EYA1: variants seen among roughly 807,000 people sequenced by gnomAD.
EYA1 encodes the protein protein phosphatase EYA1.
A neutral mutation model predicts 82.0 loss-of-function variants in EYA1; 16 were observed. The ratio of observed to expected loss-of-function variants is 0.20; its 90% CI spans 0.13 to 0.30. The LOEUF (loss-of-function observed/expected upper bound fraction) is 0.30. Among genes scored for constraint, EYA1 ranks in the 10% least tolerant of loss-of-function variants. EYA1 has a pLI of 1.00. For synonymous variants in EYA1, 261 were observed against 264.4 expected, an observed-to-expected ratio of 0.99 and a Z score of 0.12; for missense variants, 633 against 730.7, an observed-to-expected ratio of 0.87 and a Z score of 1.54.
chr8:71,431,878 T>A (rs1019906910), intron 2 of EYA1, among the ~76,000 whole-genome samples: 10 of 152,214 alleles, frequency 6.6e-5, no homozygotes, highest in Non-Finnish European at 1.5e-4. Flanking sequence ...TATGATTACT[T>A]TATGAAGCCT....
At chr8:71,269,671 T>G in intron 11 of EYA1, 69 bp downstream of exon 11, 1 of 1,102,386 alleles carries the variant, frequency 9.1e-7, no homozygotes, top group Non-Finnish European at 1.4e-6. Context: ...TACATTCATT[T>G]GGATAATAAA....
intron 2 of EYA1, among the ~76,000 whole-genome samples, chr8:71,407,398 A>G (rs1274361602): frequency 1.4e-5 from 2 of 146,750 alleles, no homozygotes; most frequent in African/African-American, 2.5e-5. Context: ...AGCTGAGAGA[A>G]GAAGGTTTCA....
chr8:71,364,921 CA>C (rs1463090714), upstream of EYA1, among the ~76,000 whole-genome samples: 2 of 77,794 alleles, frequency 2.6e-5, no homozygotes, highest in East Asian at 3.4e-4. Flanking sequence ...AGGGCATGAT[CA>C]AAAAAAAAGC....
intron 11 of EYA1, among the ~76,000 whole-genome samples, chr8:71,258,694 A>G (rs1026502161): frequency 6.6e-6 from 1 of 152,072 alleles, no homozygotes; most frequent in Non-Finnish European, 1.5e-5. Flanking sequence ...TGCTCATTTT[A>G]TTTTGTTGCC....
intron 2 of EYA1, among the ~76,000 whole-genome samples, chr8:71,457,775 C>A (rs151305463): frequency 1.3e-5 from 2 of 151,994 alleles, no homozygotes; most frequent in South Asian, 2.1e-4. Flanking sequence ...CGGAGATATA[C>A]CTAATGTAAA....
intron 4 of EYA1, among the ~76,000 whole-genome samples, chr8:71,326,401 A>G (rs1823152540): frequency 6.6e-6 from 1 of 151,660 alleles, no homozygotes. Flanking sequence ...CCCAAACCTT[A>G]CAACTTCTCA....
chr8:71,337,703 C>A (rs1824656739), intron 3 of EYA1, among the ~76,000 whole-genome samples: 1 of 152,162 alleles, frequency 6.6e-6, no homozygotes, highest in African/African-American at 2.4e-5. Context: ...ACATAAAGTA[C>A]CTGATATAAA....
At chr8:71,422,224 G>T (rs1831184798) in intron 2 of EYA1, among the ~76,000 whole-genome samples, 1 of 152,200 alleles carries the variant, frequency 6.6e-6, no homozygotes, top group Non-Finnish European at 1.5e-5. Flanking sequence ...GTTATACAGA[G>T]AAGTCAGTAA....
At chr8:71,451,847 G>A (rs529862442) in intron 2 of EYA1, among the ~76,000 whole-genome samples, 89 of 152,308 alleles carry the variant, frequency 5.8e-4, no homozygotes, top group African/African-American at 1.9e-3. Flanking sequence ...TGTGAGCGAC[G>A]CAGAAGACGG....
rs574814791 is a variant in EYA1, at chr8:71,213,146, C to T, written c.1598-1890G>A. On this transcript the variant is annotated intron_variant, in intron 16 of 17. Transcript: ENST00000340726. Reference sequence around the variant, plus strand: ...ATTTGATGGTGAAATCCTACTTCCACCACCACATATTTTTTTTCTGTATTG... The same window carrying T: ...ATTTGATGGTGAAATCCTACTTCCATCACCACATATTTTTTTTCTGTATTG... 1.4e-4 allele frequency among the ~76,000 whole-genome samples: 22 copies of T among 152,064 alleles called. No homozygotes were observed. The South Asian group carries it at 4.4e-3, about 30-fold the overall frequency.
intron 9 of EYA1, among the ~76,000 whole-genome samples, chr8:71,273,491 G>A (rs1272062583): frequency 6.6e-6 from 1 of 152,174 alleles, no homozygotes; most frequent in African/African-American, 2.4e-5. Flanking sequence ...TCCAAACTGA[G>A]CATCTCTCTT....
chr8:71,432,889 C>A (rs545843688), intron 2 of EYA1, among the ~76,000 whole-genome samples: 22 of 152,298 alleles, frequency 1.4e-4, no homozygotes, highest in Non-Finnish European at 2.9e-4. Flanking sequence ...CACCATGGTA[C>A]TATTCCAAGT....
intron 12 of EYA1, among the ~76,000 whole-genome samples, chr8:71,222,160 A>C (rs1407992937): frequency 2.0e-5 from 3 of 152,042 alleles, no homozygotes; most frequent in Admixed American, 2.0e-4. Context: ...CCCCCAGTTG[A>C]ATTCTTTCTT....
At chr8:71,446,500 T>C (rs569489634) in intron 2 of EYA1, among the ~76,000 whole-genome samples, 4 of 152,328 alleles carry the variant, frequency 2.6e-5, no homozygotes, top group African/African-American at 9.6e-5. Context: ...TCCTGGGTAG[T>C]ATCTTCATAG....
chr8:71,465,721 T>A (rs1808722049), intron 2 of EYA1, among the ~76,000 whole-genome samples: 1 of 152,236 alleles, frequency 6.6e-6, no homozygotes, highest in South Asian at 2.1e-4. Flanking sequence ...TATTCACGAT[T>A]ACTATGGTTT....
intron 2 of EYA1, among the ~76,000 whole-genome samples, chr8:71,500,803 A>C (rs1811757924): frequency 6.6e-6 from 1 of 152,164 alleles, no homozygotes; most frequent in East Asian, 1.9e-4. Context: ...ACAACTTATT[A>C]TGACTTTATT....
In EYA1 at chr8:71,244,581, T is replaced by C. The variant is rs199590611; in HGVS notation, c.1140+22A>G. On this transcript the variant is annotated intron_variant, in intron 12 of 17. Transcript: ENST00000340726. ...ACCTATTTTCAGACATGCAAAAATA[T>C]GTATTAAAAATTAGAACTTACTTCT... 8 of 1,228,740 alleles carry C rather than the reference T, an allele frequency of 6.5e-6. No homozygotes were observed. The East Asian group carries it at 1.2e-4, about 19-fold the overall frequency. The allele number at this position is 1,228,740 out of a possible 1,614,324, so 76.1% of individuals were successfully genotyped here. A position where few individuals can be genotyped will look rare whatever the true frequency, so the allele number is the denominator to read the frequency against.
chr8:71,507,553 G>A lies in EYA1; in HGVS notation c.33+28191C>T, dbSNP rs532803048. Among the ~76,000 whole-genome samples, 6 of 152,288 alleles carry A rather than the reference G, an allele frequency of 3.9e-5. No homozygotes were observed. The South Asian group carries it at 1.2e-3, about 32-fold the overall frequency. ...ATCCCACACATGTAATTGTACACAT[G>A]CAAGATTATATATTTCTGAGGTTAT... On this transcript the variant is annotated intron_variant, in intron 2 of 18. Transcript: ENST00000643681.
chr8:71,426,880 AAC>A (rs199705569), intron 2 of EYA1, among the ~76,000 whole-genome samples: 1,606 of 152,326 alleles, frequency 0.011, 37 homozygotes, highest in African/African-American at 0.037. Flanking sequence ...TCTTACTTAA[AAC>A]ACAGAATTTA....
Sources: gnomAD v4.1 joint callset for allele counts (sites outside exome capture counted in the v4.1 genomes callset) on GRCh38, gnomAD v4.1.1 for gene constraint, MANE v1.5 for transcripts, NCBI Gene and HGNC (gene_info 2026-07-23, HGNC 2026-07-21) for gene names.